SLC14A2: variants seen among roughly 807,000 people sequenced by gnomAD.
The protein encoded by SLC14A2 is urea transporter 2.
In SLC14A2, 91 loss-of-function variants were observed where a neutral mutation model predicts 104.6. The ratio of observed to expected loss-of-function variants is 0.87; its 90% CI spans 0.73 to 1.04. The LOEUF (loss-of-function observed/expected upper bound fraction) is 1.04, where lower values mean the gene tolerates loss of function less well. SLC14A2 is among the 50% of genes least tolerant of loss of function. The pLI, the probability that SLC14A2 is intolerant of heterozygous loss-of-function variation, is 0.00. For missense variants in SLC14A2, 1,189 were observed against 1,156.0 expected, an observed-to-expected ratio of 1.03 and a Z score of -0.41; for synonymous variants, 476 against 466.4, an observed-to-expected ratio of 1.02 and a Z score of -0.27.
intron 4 of SLC14A2, among the ~76,000 whole-genome samples, chr18:45,631,952 C>T (rs1190430474): frequency 6.6e-6 from 1 of 152,172 alleles, no homozygotes; most frequent in Non-Finnish European, 1.5e-5. Flanking sequence ...GTAATCATAA[C>T]ACTCTTTCTC....
rs75046432 is a variant in SLC14A2, at chr18:45,352,056, G to T, written c.-124-131177G>T. On this transcript the variant is annotated intron_variant, in intron 1 of 20. Transcript: ENST00000586448. ...CAGGTGATGTATATGAGGAAGTCGT[G>T]GACAGGGCTGTGGTGGGGGCTTGCT... Among the ~76,000 whole-genome samples, 696 of 152,240 alleles carry T rather than the reference G, an allele frequency of 4.6e-3. 28 individuals are homozygous for T. The East Asian group carries it at 0.1, about 22-fold the overall frequency.
chr18:45,312,776 C>T (rs946151186), intron 1 of SLC14A2, among the ~76,000 whole-genome samples: 2 of 152,304 alleles, frequency 1.3e-5, no homozygotes, highest in South Asian at 4.1e-4. Flanking sequence ...GTTAATTTCA[C>T]GTTTTCCAGT....
intron 1 of SLC14A2, among the ~76,000 whole-genome samples, chr18:45,303,115 C>T (rs2084984317): frequency 3.9e-5 from 6 of 152,112 alleles, no homozygotes; most frequent in African/African-American, 2.4e-5. Context: ...AATTGGGCAG[C>T]CCCCATAATC....
chr18:45,637,084 G>A lies in SLC14A2; in HGVS notation c.745G>A (p.Ala249Thr), dbSNP rs1425926521. The part of the protein sequence containing the change: ...PFNIAVTLYL[A>T]ATGHYNLFFP... ...CAACATTGCAGTCACCTTGTACCTT[G>A]CAGCCACAGGCCACTACAACCTCTT... is the stretch of plus-strand genomic sequence containing the variant. The change falls in exon 6 of 20, where the codon GCA (alanine) becomes ACA (threonine). Residue 249 changes from alanine (A) to threonine (T), a missense_variant. Coordinates refer to ENST00000255226, the MANE Select transcript of SLC14A2 (RefSeq NM_007163.4). 2.5e-6 allele frequency: 4 copies of A among 1,614,028 alleles called. No homozygotes were observed. The highest frequency in any genetic ancestry group is 8.5e-7 in the Non-Finnish European group (1 of 1,179,978).
chr18:45,504,083 G>C (rs1028369632), intron 2 of SLC14A2, among the ~76,000 whole-genome samples: 9 of 152,306 alleles, frequency 5.9e-5, no homozygotes, highest in Admixed American at 5.2e-4. Flanking sequence ...GGAAGGAGGA[G>C]GGAATCTTTG....
intron 10 of SLC14A2, among the ~76,000 whole-genome samples, chr18:45,652,373 G>A (rs904973058): frequency 1.3e-5 from 2 of 152,276 alleles, no homozygotes; most frequent in Middle Eastern, 6.8e-3. Context: ...GGGGGCAAGG[G>A]GGAAAATGAC....
At chr18:45,184,745 T>G in the SLC14A2 span, among the ~76,000 whole-genome samples, 1 of 152,262 alleles carries the variant, frequency 6.6e-6, no homozygotes, top group African/African-American at 2.4e-5. Flanking sequence ...TCTAACTTTA[T>G]AATGGATTAA....
At chr18:45,218,314 T>A (rs1486324241) in intron 1 of SLC14A2, among the ~76,000 whole-genome samples, 1 of 152,236 alleles carries the variant, frequency 6.6e-6, no homozygotes, top group Non-Finnish European at 1.5e-5. Flanking sequence ...TCTTTAAATT[T>A]CATCCATATT....
intron 1 of SLC14A2, among the ~76,000 whole-genome samples, chr18:45,232,448 TCAGTGGGGACA>T (rs1210312507): frequency 6.6e-6 from 1 of 152,216 alleles, no homozygotes; most frequent in East Asian, 1.9e-4. Context: ...ACATGGGATT[TCAGTGGGGACA>T]CAGAGACAAG....
At chr18:45,370,664 C>T (rs10438964) in intron 1 of SLC14A2, among the ~76,000 whole-genome samples, 44,527 of 151,784 alleles carry the variant, frequency 0.29, 6,860 homozygotes, top group African/African-American at 0.37. Flanking sequence ...GTGCACTTCA[C>T]GCGGGACCCA....
At chr18:45,549,712 A>G (rs565751895) in intron 2 of SLC14A2, among the ~76,000 whole-genome samples, 5 of 152,348 alleles carry the variant, frequency 3.3e-5, no homozygotes, top group African/African-American at 1.2e-4. Context: ...TGCAAGAGGA[A>G]GGAGTGACTG....
At chr18:45,213,504 T>C (rs2083979779) in intron 1 of SLC14A2, among the ~76,000 whole-genome samples, 1 of 152,156 alleles carries the variant, frequency 6.6e-6, no homozygotes, top group Non-Finnish European at 1.5e-5. Context: ...TTTTAACTAG[T>C]AGATTTTATA....
intron 1 of SLC14A2, among the ~76,000 whole-genome samples, chr18:45,410,124 A>G (rs1391672228): frequency 1.3e-5 from 2 of 152,136 alleles, no homozygotes; most frequent in African/African-American, 4.8e-5. Context: ...TCCTATGAGA[A>G]TCTAATGCCG....
chr18:45,343,110 A>G (rs1009743694), intron 1 of SLC14A2, among the ~76,000 whole-genome samples: 2 of 150,628 alleles, frequency 1.3e-5, no homozygotes, highest in African/African-American at 4.9e-5. Context: ...AGTTAGTCCT[A>G]TCCATGCTGC....
Position 45,639,645 on chromosome 18 carries a change from C to T in SLC14A2, c.844-101C>T, listed in dbSNP as rs1006294217. On this transcript the variant is annotated intron_variant, in intron 6 of 19. Transcript: ENST00000255226. ...GGAGGGTACAGTCATCCTCCCGTTC[C>T]ACTCCATTACTCCCCCGAGGAATGG... 6.1e-6 allele frequency: 7 copies of T among 1,147,844 alleles called. No homozygotes were observed. The African/African-American group carries it at 1.1e-4, about 17-fold the overall frequency. The allele number at this position is 1,147,844 out of a possible 1,614,324, so 71.1% of individuals were successfully genotyped here.
At chr18:45,672,772 G>C in intron 16 of SLC14A2, 128 bp from the exon 17 acceptor site, 1 of 772,614 alleles carries the variant, frequency 1.3e-6, no homozygotes, top group Middle Eastern at 2.6e-4. Flanking sequence ...TATTTGAATA[G>C]AAACAAAAAT....
At chr18:45,558,771 AAGAGAT>A (rs1027655235) in intron 2 of SLC14A2, among the ~76,000 whole-genome samples, 10 of 152,154 alleles carry the variant, frequency 6.6e-5, no homozygotes, top group Non-Finnish European at 1.0e-4. Flanking sequence ...CTATCTTTCC[AAGAGAT>A]AGAGATAGAA....
At chr18:45,177,498 G>A in the SLC14A2 span, among the ~76,000 whole-genome samples, 12 of 152,074 alleles carry the variant, frequency 7.9e-5, no homozygotes, top group Admixed American at 4.6e-4. Flanking sequence ...TGTTCCAGCC[G>A]CAGATTTTCT....
chr18:45,628,576 G>A (rs2045298978), intron 4 of SLC14A2, among the ~76,000 whole-genome samples: 1 of 152,136 alleles, frequency 6.6e-6, no homozygotes, highest in African/African-American at 2.4e-5. Flanking sequence ...GCTTCTGATG[G>A]TCAGAGAAGT....
Sources: allele counts gnomAD v4.1 joint callset (sites outside exome capture counted in the v4.1 genomes callset), GRCh38; gene constraint gnomAD v4.1.1; transcripts MANE v1.5; gene names NCBI Gene and HGNC (gene_info 2026-07-23, HGNC 2026-07-21).